Variants in MYO5C observed in about 807,000 individuals in gnomAD.
MYO5C encodes myosin VC, also known as unconventional myosin-Vc.
MYO5C carries 194 observed loss-of-function variants against 235.7 expected under a neutral mutation model. The observed-to-expected ratio is 0.82, with a 90% confidence interval of 0.73 to 0.93. The LOEUF is 0.93. Among genes scored for constraint, MYO5C ranks in the 40% least tolerant of loss-of-function variants. The pLI is 0.00. For missense variants in MYO5C, 2,038 were observed against 2,127.2 expected (o/e 0.96, Z 0.82); for synonymous variants, 707 against 754.8 (o/e 0.94, Z 1.04).
chr15:52,229,175 A>C lies in MYO5C; in HGVS notation c.3165T>G (p.Asp1055Glu). 6.2e-7 allele frequency: 1 copy of C among 1,614,250 alleles called. No individual in the cohort carries two copies. Among genetic ancestry groups the C allele is most frequent in the Non-Finnish European group, 8.5e-7 (1 of 1,180,052 alleles). The change falls in exon 25 of 41, where the codon GAT (aspartate) becomes GAG (glutamate). Residue 1055 changes from aspartate to glutamate, a missense_variant. Physicochemically the swap from Asp to Glu is conservative, Grantham distance 45 (BLOSUM62 2). Coordinates refer to ENST00000261839, the MANE Select transcript of MYO5C (RefSeq NM_018728.4). ...HLVEGEHVTS[D>E]GLKAEVARLS... Reference sequence around the variant, plus strand: ...GGCGGGCCACTTCCGCCTTCAAGCCATCAGAAGTGACGTGCTCCCCCTCCA... The same window carrying C: ...GGCGGGCCACTTCCGCCTTCAAGCCCTCAGAAGTGACGTGCTCCCCCTCCA...
intron 10 of MYO5C, among the ~76,000 whole-genome samples, chr15:52,257,105 C>T (rs1004890809): frequency 1.2e-4 from 19 of 152,218 alleles, no homozygotes; most frequent in Non-Finnish European, 2.2e-4. Context: ...AACTTAGCTG[C>T]GAAGCTGCCT....
intron 30 of MYO5C, among the ~76,000 whole-genome samples, chr15:52,220,292 C>T (rs1462725614): frequency 6.6e-6 from 1 of 152,176 alleles, no homozygotes; most frequent in Non-Finnish European, 1.5e-5. Flanking sequence ...TCTAGCAATA[C>T]TGGGCCCACA....
chr15:52,286,937 TAAAA>T (rs1056891976), intron 1 of MYO5C, among the ~76,000 whole-genome samples: 8 of 50,284 alleles, frequency 1.6e-4, no homozygotes, highest in African/African-American at 2.6e-4. Context: ...GAATGATCAA[TAAAA>T]AAAAAAAAGA....
chr15:52,280,835 C>CT lies in MYO5C; in HGVS notation c.139-1162dup, dbSNP rs1304332065. Among the ~76,000 whole-genome samples, 7 of 152,342 alleles carry CT rather than the reference C, an allele frequency of 4.6e-5. No individual in the cohort carries two copies. The East Asian group carries it at 1.3e-3, about 29-fold the overall frequency. ...TGTTGTCCAAGGTCACACAGTTAAT[C>CT]TGAGCCTCACTCTGAAGCCTGTGCT... On this transcript the variant is annotated intron_variant, in intron 2 of 40. Transcript: ENST00000261839.
intron 4 of MYO5C, among the ~76,000 whole-genome samples, chr15:52,276,538 A>G (rs1439750667): frequency 6.6e-6 from 1 of 152,174 alleles, no homozygotes; most frequent in Non-Finnish European, 1.5e-5. Flanking sequence ...TATTTACACA[A>G]ACAGCTTGAG....
At chr15:52,228,673 T>C (rs1009100611) in intron 25 of MYO5C, among the ~76,000 whole-genome samples, 2 of 152,248 alleles carry the variant, frequency 1.3e-5, no homozygotes, top group African/African-American at 4.8e-5. Flanking sequence ...CATAGCAATT[T>C]TGAATGTACA....
chr15:52,292,032 C>A (rs956381556), intron 1 of MYO5C, among the ~76,000 whole-genome samples: 1 of 152,136 alleles, frequency 6.6e-6, no homozygotes, highest in Non-Finnish European at 1.5e-5. Context: ...AGCCACCGCA[C>A]CCGGCCGCAT....
In MYO5C at chr15:52,244,428, C is replaced by A. The variant is rs778304947; in HGVS notation, c.2318G>T (p.Arg773Met). 2 of 1,614,128 alleles carry A rather than the reference C, an allele frequency of 1.2e-6. No homozygotes were observed. Among genetic ancestry groups the A allele is most frequent in the Admixed American group, 3.3e-5 (2 of 60,020 alleles). ...VQKHMRGWLQ[R>M]KKFLRERRAA... ...TCGTCTCTCTCGGAGGAATTTTTTC[C>A]TCTGGAGCCAGCCACGCATGTGCTT... The change falls in exon 19 of 41, where the codon AGG becomes ATG. Residue 773 changes from arginine (R) to methionine (M), a missense_variant. By Grantham distance (91) the Arg-to-Met change is moderately conservative (BLOSUM62 -1). Transcript: ENST00000261839.
chr15:52,295,130 G>T (rs943837061), intron 1 of MYO5C, among the ~76,000 whole-genome samples: 3 of 152,240 alleles, frequency 2.0e-5, no homozygotes, highest in Non-Finnish European at 4.4e-5. Context: ...CGTTCAAGGG[G>T]GTCCCAGGAG....
chr15:52,211,348 C>T (rs755030293), intron 35 of MYO5C, among the ~76,000 whole-genome samples: 12 of 152,136 alleles, frequency 7.9e-5, no homozygotes, highest in Non-Finnish European at 1.3e-4. Context: ...ACACAATGTG[C>T]TTTTAGGAAG....
rs1437120248 is a variant in MYO5C at position 52,221,234 on chromosome 15, G to T, written c.3649C>A (p.Gln1217Lys). ...TTCTGTTTCTCCAATTCTGAAATTT[G>T]CTGTTTAAAGTCTGGGATCATCTTT... ...ENMMIPDFKQQISELEKQKQD... is the reference protein window; with the variant it reads ...ENMMIPDFKQKISELEKQKQD... The change falls in exon 30 of 41, where the codon CAA becomes AAA. Residue 1217 changes from glutamine to lysine, a missense_variant. Gln to Lys is a moderately conservative substitution (Grantham distance 53). Coordinates refer to ENST00000261839, the MANE Select transcript of MYO5C (RefSeq NM_018728.4). 2 of 1,611,550 alleles carry T rather than the reference G, an allele frequency of 1.2e-6. No individual in the cohort carries two copies. The highest frequency in any genetic ancestry group is 1.3e-5 in the African/African-American group (1 of 74,842).
At chr15:52,219,615 T>C in intron 31 of MYO5C, 144 bp downstream of exon 31, 1 of 641,222 alleles carries the variant, frequency 1.6e-6, no homozygotes, top group Non-Finnish European at 2.8e-6. Context: ...CATATTTCTT[T>C]CCTTCCCATC....
intron 34 of MYO5C, among the ~76,000 whole-genome samples, chr15:52,212,734 T>C (rs1040542681): frequency 6.6e-6 from 1 of 152,180 alleles, no homozygotes; most frequent in South Asian, 2.1e-4. Context: ...CCCCATCACA[T>C]TGCCCGCAGA....
intron 1 of MYO5C, among the ~76,000 whole-genome samples, chr15:52,286,855 G>A (rs2037285653): frequency 6.7e-6 from 1 of 149,500 alleles, no homozygotes; most frequent in Non-Finnish European, 1.5e-5. Flanking sequence ...CTGTTCACTT[G>A]TTTATCTGCT....
chr15:52,260,448 G>A (rs1381929098), intron 10 of MYO5C, among the ~76,000 whole-genome samples: 5 of 152,184 alleles, frequency 3.3e-5, no homozygotes, highest in African/African-American at 1.2e-4. Context: ...GCCTTTGGTG[G>A]GAAAAGCAAA....
At position 52,292,990 on chromosome 15, in the gene MYO5C, G is replaced by A. The variant is rs60214114; in HGVS notation, c.27+2620C>T. Among the ~76,000 whole-genome samples, 28 of 152,350 alleles carry A rather than the reference G, an allele frequency of 1.8e-4. No homozygotes were observed. In the East Asian group the frequency reaches 5.0e-3, roughly 27 times the overall value. On this transcript the variant is annotated intron_variant, in intron 1 of 40. Transcript: ENST00000261839. ...GGAGAGAGGCAGGACCTCGTGGCTG[G>A]TCAGTGAGTCTGAAAGCAATGGGAG...
chr15:52,255,010 C>CAAAA (rs61685628), intron 11 of MYO5C, among the ~76,000 whole-genome samples: 1 of 145,856 alleles, frequency 6.9e-6, no homozygotes, highest in African/African-American at 2.5e-5. Flanking sequence ...AATTCTGGGC[C>CAAAA]AAAAAAAAAA....
rs2035510530 is a variant in MYO5C, at chr15:52,214,454, C to T, written c.4042+149G>A. The T allele has an allele frequency of 5.5e-6, 3 of 544,436 alleles. No homozygotes were observed. In the East Asian group the frequency reaches 9.9e-5, roughly 18 times the overall value. 33.7% of individuals were successfully genotyped at this position (544,436 alleles called of 1,614,324 possible). On this transcript the variant is annotated intron_variant, in intron 33 of 40. Transcript: ENST00000261839. ...AGCTGTCTTCCTGACCCAAAGGATC[C>T]TTTCGTTAGCCCAGCACTAGGTCAC... is the stretch of plus-strand genomic sequence containing the variant.
chr15:52,242,293 A>G (rs1289303960), intron 19 of MYO5C, 80 bp from the exon 20 acceptor site: 2 of 1,452,784 alleles, frequency 1.4e-6, no homozygotes, highest in Non-Finnish European at 1.9e-6. Context: ...CTTGGCTAGC[A>G]TGTGTTTATA....
Sources: gnomAD v4.1 joint callset for allele counts (sites outside exome capture counted in the v4.1 genomes callset) on GRCh38, gnomAD v4.1.1 for gene constraint, MANE v1.5 for transcripts, NCBI Gene and HGNC (gene_info 2026-07-23, HGNC 2026-07-21) for gene names.